The following SMCO4 variants were observed in gnomAD, a reference collection of about 807,000 sequenced individuals.
SMCO4 encodes the protein single-pass membrane protein with coiled-coil domains 4, also known as single-pass membrane and coiled-coil domain-containing protein 4.
Under a neutral mutation model 3.6 loss-of-function variants are expected in SMCO4, and 4 were observed. The observed-to-expected ratio is 1.11, with a 90% CI of 0.54 to 2.53. The LOEUF (loss-of-function observed/expected upper bound fraction) is 2.53. Ranked by LOEUF, SMCO4 falls within the 30% of genes most tolerant of loss-of-function variation. The pLI is 0.02. For synonymous variants in SMCO4, 36 were observed against 35.3 expected, an observed-to-expected ratio of 1.02 and a Z score of -0.07; for missense variants, 70 against 80.8, an observed-to-expected ratio of 0.87 and a Z score of 0.51.
In SMCO4 at chr11:93,502,897, G is replaced by A. The variant is rs556298523; in HGVS notation, c.-153-3549C>T. ...AATACTAACAGCTACTCCTTACACAGGCCAGCCACTAACCTGAGCTTTTTA... is the reference window on the plus strand; with the variant it reads ...AATACTAACAGCTACTCCTTACACAAGCCAGCCACTAACCTGAGCTTTTTA... On this transcript the variant is annotated intron_variant, in intron 1 of 2. Transcript: ENST00000298966. Among the ~76,000 whole-genome samples the A allele has an allele frequency of 2.4e-3, 359 of 152,228 alleles. 1 individual carries two copies. The highest frequency in any genetic ancestry group is 3.3e-3 in the Non-Finnish European group (224 of 68,032).
At chr11:93,536,052 TAAA>T (rs1165844025) in intron 1 of SMCO4, among the ~76,000 whole-genome samples, 1 of 152,044 alleles carries the variant, frequency 6.6e-6, no homozygotes, top group African/African-American at 2.4e-5. Context: ...GGATTATAGA[TAAA>T]AAGTCTCCGT....
intron 1 of SMCO4, among the ~76,000 whole-genome samples, chr11:93,533,059 G>A (rs954909384): frequency 3.3e-5 from 5 of 152,132 alleles, no homozygotes; most frequent in Admixed American, 1.3e-4. Flanking sequence ...AGGGCCAAAC[G>A]GAGAGGCAGA....
At chr11:93,498,411 C>G (rs947728756) in intron 2 of SMCO4, among the ~76,000 whole-genome samples, 8 of 152,150 alleles carry the variant, frequency 5.3e-5, no homozygotes, top group Non-Finnish European at 1.2e-4. Flanking sequence ...GGTGATCCAC[C>G]TGTGCAGCAG....
In SMCO4 at chr11:93,530,582, C is replaced by T. The variant is rs545538877; in HGVS notation, c.-154+12694G>A. ...TGCTCACAGGCACAACAGTGGCTCCCATCTTACTAGAACAAAGGCCACAGT... is the reference window on the plus strand; with the variant it reads ...TGCTCACAGGCACAACAGTGGCTCCTATCTTACTAGAACAAAGGCCACAGT... On this transcript the variant is annotated intron_variant, in intron 1 of 2. Transcript: ENST00000298966. Among the ~76,000 whole-genome samples the T allele has an allele frequency of 5.8e-4, 89 of 152,312 alleles. No individual in the cohort carries two copies. The South Asian group carries it at 8.1e-3, about 14-fold the overall frequency.
chr11:93,542,389 T>C (rs1172355732), intron 1 of SMCO4, among the ~76,000 whole-genome samples: 1 of 152,164 alleles, frequency 6.6e-6, no homozygotes, highest in Non-Finnish European at 1.5e-5. Context: ...TATGAGGACA[T>C]GGGAGTGTTT....
intron 2 of SMCO4, among the ~76,000 whole-genome samples, chr11:93,494,047 C>T (rs931734297): frequency 1.3e-5 from 2 of 152,156 alleles, no homozygotes; most frequent in Admixed American, 6.5e-5. Flanking sequence ...TCTGCCTTCA[C>T]CTTACTGCTT....
At chr11:93,524,904 A>T (rs975784461) in intron 1 of SMCO4, among the ~76,000 whole-genome samples, 1 of 152,240 alleles carries the variant, frequency 6.6e-6, no homozygotes, top group Non-Finnish European at 1.5e-5. Flanking sequence ...GTATAAACTC[A>T]GAATTCTGTG....
intron 1 of SMCO4, among the ~76,000 whole-genome samples, chr11:93,530,127 A>T (rs1949148221): frequency 6.6e-6 from 1 of 152,202 alleles, no homozygotes; most frequent in Non-Finnish European, 1.5e-5. Flanking sequence ...TAGCTTGCAC[A>T]CTGACCTTGG....
At chr11:93,529,220 TA>T (rs1949140674) in intron 1 of SMCO4, among the ~76,000 whole-genome samples, 1 of 152,158 alleles carries the variant, frequency 6.6e-6, no homozygotes, top group East Asian at 1.9e-4. Flanking sequence ...AAGAACACCC[TA>T]AAAATAACTT....
chr11:93,478,733 A>ACG lies in SMCO4; in HGVS notation c.*276_*277insCG. The ACG allele has an allele frequency of 1.6e-6, 1 of 606,716 alleles. No homozygotes were observed. 37.6% of individuals were successfully genotyped at this position (606,716 alleles called of 1,614,324 possible). A position where few individuals can be genotyped will look rare whatever the true frequency, so the allele number is the denominator to read the frequency against. The stretch of plus-strand genomic sequence containing the variant: ...AAGAAGCACACACACACACACACAC[A>ACG]CACACACACACACACACACATGCGC... On this transcript the variant is annotated 3_prime_UTR_variant, in exon 3 of 3. Transcript: ENST00000298966.
intron 1 of SMCO4, among the ~76,000 whole-genome samples, chr11:93,512,567 T>C (rs1219341871): frequency 6.6e-6 from 1 of 152,226 alleles, no homozygotes; most frequent in Non-Finnish European, 1.5e-5. Context: ...CTTTTATATG[T>C]TTAGATACAC....
chr11:93,499,555 T>G (rs538944723), intron 1 of SMCO4, among the ~76,000 whole-genome samples: 1 of 152,328 alleles, frequency 6.6e-6, no homozygotes, highest in Non-Finnish European at 1.5e-5. Flanking sequence ...ATGTGCGTGA[T>G]GGACAGGACC....
intron 1 of SMCO4, among the ~76,000 whole-genome samples, chr11:93,532,073 C>G (rs1030495275): frequency 1.3e-5 from 2 of 152,176 alleles, no homozygotes; most frequent in Non-Finnish European, 2.9e-5. Flanking sequence ...CACATGTCAT[C>G]AGGACCTTCT....
At chr11:93,502,480 G>C (rs1265963534) in intron 1 of SMCO4, among the ~76,000 whole-genome samples, 1 of 152,146 alleles carries the variant, frequency 6.6e-6, no homozygotes, top group East Asian at 1.9e-4. Flanking sequence ...ACAAAATGTA[G>C]GGTCCCTATG....
chr11:93,524,675 G>A (rs567443243), intron 1 of SMCO4, among the ~76,000 whole-genome samples: 1 of 152,246 alleles, frequency 6.6e-6, no homozygotes, highest in East Asian at 1.9e-4. Context: ...CACACTCCCC[G>A]CTACAAAAGT....
intron 2 of SMCO4, among the ~76,000 whole-genome samples, chr11:93,494,898 G>C (rs1300398043): frequency 6.6e-6 from 1 of 151,980 alleles, no homozygotes; most frequent in Non-Finnish European, 1.5e-5. Flanking sequence ...GCCTAACCTG[G>C]TCCCCAAGGA....
At chr11:93,479,734 C>A (rs1948570166) in intron 2 of SMCO4, among the ~76,000 whole-genome samples, 1 of 152,184 alleles carries the variant, frequency 6.6e-6, no homozygotes. Context: ...GCCAGGCCAG[C>A]CTCATTAAGG....
intron 2 of SMCO4, 156 bp from the exon 3 acceptor site, chr11:93,479,425 C>A: frequency 1.4e-6 from 1 of 696,704 alleles, no homozygotes; most frequent in Non-Finnish European, 2.1e-6. Context: ...CTCTTGGGAT[C>A]AGCGCTCTAA....
chr11:93,501,405 G>A (rs1948836931), intron 1 of SMCO4, among the ~76,000 whole-genome samples: 2 of 152,162 alleles, frequency 1.3e-5, no homozygotes, highest in Admixed American at 1.3e-4. Flanking sequence ...AAATAAACAG[G>A]CAATGCCATG....
Sources: allele counts gnomAD v4.1 joint callset (sites outside exome capture counted in the v4.1 genomes callset), GRCh38; gene constraint gnomAD v4.1.1; transcripts MANE v1.5; gene names NCBI Gene and HGNC (gene_info 2026-07-23, HGNC 2026-07-21).